CIMAP1D: variants seen among roughly 807,000 people sequenced by gnomAD.
CIMAP1D encodes the protein protein CIMAP1D.
the CIMAP1D span, among the ~76,000 whole-genome samples, chr19:488,143 G>C: frequency 2.0e-5 from 3 of 152,208 alleles, no homozygotes; most frequent in Non-Finnish European, 2.9e-5. Context: ...CGATGGCCCC[G>C]GCCGAATAAA....
chr19:484,773 G>A, the CIMAP1D span, among the ~76,000 whole-genome samples: 1 of 152,138 alleles, frequency 6.6e-6, no homozygotes, highest in Non-Finnish European at 1.5e-5. Context: ...AGGGAGGGCG[G>A]GGCTGACCCA....
the CIMAP1D span, among the ~76,000 whole-genome samples, chr19:479,690 A>C: frequency 6.6e-6 from 1 of 151,780 alleles, no homozygotes; most frequent in Non-Finnish European, 1.5e-5. Context: ...GGCGTGAGCC[A>C]CCGTGCCCGG....
At chr19:468,929 G>T in the CIMAP1D span, among the ~76,000 whole-genome samples, 1 of 126,302 alleles carries the variant, frequency 7.9e-6, no homozygotes, top group African/African-American at 3.4e-5. Context: ...GCCCAGACAC[G>T]GCTCCAGACC....
the CIMAP1D span, among the ~76,000 whole-genome samples, chr19:480,707 AGAAGGAATGTGG>A: frequency 2.1e-5 from 3 of 140,228 alleles, no homozygotes; most frequent in Admixed American, 7.0e-5. Flanking sequence ...ACGATGATGG[AGAAGGAATGTGG>A]GAAGGATGAT....
the CIMAP1D span, among the ~76,000 whole-genome samples, chr19:481,271 T>G: frequency 3.1e-5 from 4 of 128,442 alleles, no homozygotes; most frequent in South Asian, 2.6e-4. Context: ...GAAAAGATGA[T>G]GGGAAAGTAT....
chr19:488,987 G>A, the CIMAP1D span, among the ~76,000 whole-genome samples: 33 of 152,140 alleles, frequency 2.2e-4, no homozygotes, highest in East Asian at 5.2e-3. Flanking sequence ...GCATCAGCCC[G>A]CCACGAACTC....
the CIMAP1D span, among the ~76,000 whole-genome samples, chr19:480,515 G>GA: frequency 9.3e-5 from 12 of 129,150 alleles, 1 homozygote; most frequent in African/African-American, 3.9e-4. Flanking sequence ...AAGGATGATG[G>GA]GGAAGGATGA....
the CIMAP1D span, chr19:474,738 G>T: frequency 6.5e-7 from 1 of 1,534,526 alleles, no homozygotes; most frequent in Non-Finnish European, 8.8e-7. Context: ...TCGCAGCTGA[G>T]GGTCCCCATG....
the CIMAP1D span, among the ~76,000 whole-genome samples, chr19:483,617 A>G: frequency 2.0e-5 from 3 of 152,180 alleles, no homozygotes; most frequent in Non-Finnish European, 4.4e-5. Context: ...AGCTCCTGGC[A>G]TGGGGTGAGT....
At chr19:491,610 T>A in the CIMAP1D span, among the ~76,000 whole-genome samples, 1 of 148,694 alleles carries the variant, frequency 6.7e-6, no homozygotes, top group South Asian at 2.1e-4. Flanking sequence ...CCTCGCCGCT[T>A]CCCCAGGCAG....
At chr19:474,682 C>G in the CIMAP1D span, 1 of 1,574,768 alleles carries the variant, frequency 6.4e-7, no homozygotes, top group Admixed American at 1.8e-5. Context: ...TCTGGCCCTC[C>G]GTCACTCGCC....
chr19:485,335 C>T, the CIMAP1D span, among the ~76,000 whole-genome samples: 3 of 152,344 alleles, frequency 2.0e-5, no homozygotes, highest in South Asian at 2.1e-4. Context: ...GCCCGAGCCC[C>T]GTGGCGCCCT....
At chr19:464,500 C>A in the CIMAP1D span, 2 of 675,566 alleles carry the variant, frequency 3.0e-6, no homozygotes, top group Non-Finnish European at 5.3e-6. Flanking sequence ...TCTCCCTTCC[C>A]CATCCTCCAT....
the CIMAP1D span, among the ~76,000 whole-genome samples, chr19:468,978 G>A: frequency 6.6e-6 from 1 of 151,664 alleles, no homozygotes; most frequent in Non-Finnish European, 1.5e-5. Flanking sequence ...CTCCCCTGAG[G>A]AGTCCGTGGC....
chr19:464,140 C>CGCCGGGGGGGGGGGGGGG, the CIMAP1D span: 1 of 796,576 alleles, frequency 1.3e-6, no homozygotes, highest in Non-Finnish European at 1.5e-6. Context: ...GGGGGGCGGG[C>CGCCGGGGGGGGGGGGGGG]GGGGGGGGTG....
the CIMAP1D span, among the ~76,000 whole-genome samples, chr19:476,915 G>A: frequency 6.6e-6 from 1 of 152,150 alleles, no homozygotes. Context: ...ATTTTTATAT[G>A]AGAAAAGAAG....
chr19:485,109 G>A, the CIMAP1D span, among the ~76,000 whole-genome samples: 3 of 151,986 alleles, frequency 2.0e-5, no homozygotes, highest in Non-Finnish European at 2.9e-5. Flanking sequence ...GAGGGTCCTG[G>A]AAGGGCGGGT....
At chr19:479,418 G>GT in the CIMAP1D span, among the ~76,000 whole-genome samples, 2 of 147,420 alleles carry the variant, frequency 1.4e-5, no homozygotes, top group Non-Finnish European at 3.0e-5. Context: ...TTTTGGGGGG[G>GT]GGGGGGATGG....
chr19:480,044 C>T, the CIMAP1D span, among the ~76,000 whole-genome samples: 1 of 152,206 alleles, frequency 6.6e-6, no homozygotes, highest in Non-Finnish European at 1.5e-5. Context: ...TGAGCGTCTG[C>T]GATGTGAACT....
Sources: gnomAD v4.1 joint callset for allele counts (sites outside exome capture counted in the v4.1 genomes callset) on GRCh38, gnomAD v4.1.1 for gene constraint, MANE v1.5 for transcripts, NCBI Gene and HGNC (gene_info 2026-07-23, HGNC 2026-07-21) for gene names.